Variants in ZEB2 observed in about 807,000 individuals in gnomAD.
ZEB2 encodes the protein zinc finger E-box binding homeobox 2, also known as zinc finger E-box-binding homeobox 2.
ZEB2 carries 6 observed loss-of-function variants against 99.9 expected under a neutral mutation model. The observed-to-expected ratio is 0.06, with a 90% confidence interval of 0.03 to 0.12. The LOEUF (loss-of-function observed/expected upper bound fraction) is 0.12. Ranked by LOEUF, ZEB2 falls within the 10% of genes least tolerant of loss-of-function variation. ZEB2 has a pLI of 1.00. For synonymous variants in ZEB2, 517 were observed against 542.5 expected, an observed-to-expected ratio of 0.95 and a Z score of 0.65; for missense variants, 969 against 1,502.8, an observed-to-expected ratio of 0.64 and a Z score of 5.87.
At chr2:144,507,842 G>T (rs1225247010) in intron 2 of ZEB2, among the ~76,000 whole-genome samples, 1 of 152,106 alleles carries the variant, frequency 6.6e-6, no homozygotes, top group Non-Finnish European at 1.5e-5. Flanking sequence ...TTAACTTCTG[G>T]GTTGGCAATC....
intron 2 of ZEB2, among the ~76,000 whole-genome samples, chr2:144,450,965 A>G (rs2149899718): frequency 6.6e-6 from 1 of 152,334 alleles, no homozygotes; most frequent in Admixed American, 6.5e-5. Context: ...GGCATGAGCC[A>G]CTGTGACCAG....
chr2:144,498,006 A>AATATATATTAATAATATATATTATATAAT (rs1440515380), intron 2 of ZEB2, among the ~76,000 whole-genome samples: 1 of 6,222 alleles, frequency 1.6e-4, no homozygotes, highest in Non-Finnish European at 2.2e-4. Flanking sequence ...TATATTATAT[A>AATATATATTAATAATATATATTATATAAT]ATATATTAAT....
chr2:144,398,177 A>C (rs1182746730), intron 8 of ZEB2, 124 bp downstream of exon 8: 2 of 1,276,098 alleles, frequency 1.6e-6, no homozygotes, highest in African/African-American at 3.0e-5. Context: ...TTTTAGGTTC[A>C]TGTTAAAGCA....
chr2:144,424,662 A>G (rs186453319), intron 4 of ZEB2, 134 bp downstream of exon 4: 2 of 1,069,576 alleles, frequency 1.9e-6, no homozygotes, highest in African/African-American at 3.1e-5. Flanking sequence ...TTGAAACAAA[A>G]CCAGAGACCT....
chr2:144,444,983 T>C (rs1703963606), intron 2 of ZEB2: 1 of 152,240 alleles, frequency 6.6e-6, no homozygotes, highest in African/African-American at 2.4e-5. Context: ...CTCATTCTAA[T>C]GGCACAACCC....
At chr2:144,512,793 T>TTG (rs1307203047) in intron 2 of ZEB2, 3 of 1,287,160 alleles carry the variant, frequency 2.3e-6, no homozygotes, top group Non-Finnish European at 3.0e-6. Flanking sequence ...GCCCCCAGCC[T>TTG]TGTGTGTGTG....
At chr2:144,483,117 GACACACACACACACACACACAC>G (rs70985858) in intron 2 of ZEB2, among the ~76,000 whole-genome samples, 1 of 130,680 alleles carries the variant, frequency 7.7e-6, no homozygotes, top group African/African-American at 3.0e-5. Flanking sequence ...GTTTAGGTAA[GACACACACACACACACACACAC>G]ACACACACAC....
chr2:144,513,335 C>G, intron 2 of ZEB2: 1 of 1,303,490 alleles, frequency 7.7e-7, no homozygotes, highest in East Asian at 5.2e-5. Context: ...TCAACTTGAT[C>G]CCTGTTCTTT....
At chr2:144,402,153 A>C (rs1185654678) in intron 6 of ZEB2, among the ~76,000 whole-genome samples, 10 of 152,184 alleles carry the variant, frequency 6.6e-5, no homozygotes, top group Non-Finnish European at 1.2e-4. Flanking sequence ...ATAATCAAAC[A>C]CAGCTGACCT....
At chr2:144,438,285 G>A (rs1337023196) in intron 2 of ZEB2, among the ~76,000 whole-genome samples, 1 of 152,142 alleles carries the variant, frequency 6.6e-6, no homozygotes, top group African/African-American at 2.4e-5. Flanking sequence ...TTACATGGAG[G>A]TACCGTAATG....
chr2:144,398,238 T>C (rs555639628), intron 8 of ZEB2, 63 bp downstream of exon 8: 1 of 1,598,820 alleles, frequency 6.3e-7, no homozygotes, highest in Non-Finnish European at 8.5e-7. Flanking sequence ...TTTTCCTACA[T>C]GCACATAATC....
At chr2:144,411,123 T>TACACACAC (rs3073686) in intron 4 of ZEB2, among the ~76,000 whole-genome samples, 2 of 117,584 alleles carry the variant, frequency 1.7e-5, no homozygotes, top group Non-Finnish European at 3.4e-5. Flanking sequence ...ATCTCATATA[T>TACACACAC]ACACACACAC....
At chr2:144,515,461 G>C (rs1055945708) in intron 2 of ZEB2, among the ~76,000 whole-genome samples, 2 of 151,828 alleles carry the variant, frequency 1.3e-5, no homozygotes, top group Non-Finnish European at 2.9e-5. Context: ...GAGGTCTCCT[G>C]TGTAAGGACC....
chr2:144,463,196 C>T (rs938356533), intron 2 of ZEB2: 2 of 152,112 alleles, frequency 1.3e-5, no homozygotes, highest in East Asian at 3.9e-4. Flanking sequence ...GTGCTGAATG[C>T]TTCTGACTCA....
chr2:144,432,895 C>T (rs192339150), intron 2 of ZEB2, among the ~76,000 whole-genome samples: 1 of 152,094 alleles, frequency 6.6e-6, no homozygotes, highest in Non-Finnish European at 1.5e-5. Context: ...GTTCATTGGG[C>T]AGAATATATT....
chr2:144,401,458 A>G, intron 6 of ZEB2, 151 bp from the exon 7 acceptor site: 1 of 743,656 alleles, frequency 1.3e-6, no homozygotes, highest in Non-Finnish European at 2.3e-6. Context: ...AGTTGCAATA[A>G]AAGTGATAAT....
At chr2:144,451,520 T>C (rs1422465738) in intron 2 of ZEB2, among the ~76,000 whole-genome samples, 1 of 152,130 alleles carries the variant, frequency 6.6e-6, no homozygotes, top group Admixed American at 6.5e-5. Flanking sequence ...GATTTGAAGG[T>C]GTACTAGGAA....
intron 2 of ZEB2, among the ~76,000 whole-genome samples, chr2:144,458,852 G>A (rs1356605191): frequency 6.6e-6 from 1 of 152,096 alleles, no homozygotes; most frequent in Non-Finnish European, 1.5e-5. Flanking sequence ...TTCCCTTTTT[G>A]AGACAAAGGA....
At chr2:144,518,254 TA>T (rs1311956747) in intron 1 of ZEB2, 1 of 152,182 alleles carries the variant, frequency 6.6e-6, no homozygotes, top group Non-Finnish European at 1.5e-5. Context: ...TAAGCTCTAC[TA>T]AATGATCGTA....
Sources: allele counts gnomAD v4.1 joint callset (sites outside exome capture counted in the v4.1 genomes callset), GRCh38; gene constraint gnomAD v4.1.1; transcripts MANE v1.5; gene names NCBI Gene and HGNC (gene_info 2026-07-23, HGNC 2026-07-21).